The following OR9Q1 variants were observed in gnomAD, a reference collection of about 807,000 sequenced individuals.
OR9Q1 encodes olfactory receptor 9Q1.
For missense variants in OR9Q1, 374 were observed against 378.8 expected, an observed-to-expected ratio of 0.99 and a Z score of 0.11; for synonymous variants, 153 against 148.6, an observed-to-expected ratio of 1.03 and a Z score of -0.22.
intron 1 of OR9Q1, among the ~76,000 whole-genome samples, chr11:58,030,312 T>C (rs987537765): frequency 2.6e-5 from 4 of 152,204 alleles, no homozygotes; most frequent in African/African-American, 4.8e-5. Context: ...CCCAGCCTAC[T>C]CCTCAGGCTC....
chr11:58,075,777 T>TAAGAC (rs1249623572), intron 2 of OR9Q1, among the ~76,000 whole-genome samples: 3 of 152,228 alleles, frequency 2.0e-5, no homozygotes, highest in African/African-American at 7.2e-5. Flanking sequence ...CTAAAGAGGC[T>TAAGAC]AAGACAAGTG....
chr11:58,099,710 A>C (rs1448384685), intron 2 of OR9Q1, among the ~76,000 whole-genome samples: 1 of 152,124 alleles, frequency 6.6e-6, no homozygotes, highest in Non-Finnish European at 1.5e-5. Context: ...CATCTAATGA[A>C]ATTACTGATG....
intron 2 of OR9Q1, among the ~76,000 whole-genome samples, chr11:58,160,713 C>T (rs191874115): frequency 5.8e-4 from 88 of 152,224 alleles, no homozygotes; most frequent in African/African-American, 1.9e-3. Flanking sequence ...AGTGAAAACA[C>T]GAGTTCTTCT....
intron 1 of OR9Q1, among the ~76,000 whole-genome samples, chr11:58,025,675 T>C (rs962299467): frequency 2.6e-5 from 4 of 152,224 alleles, no homozygotes; most frequent in African/African-American, 7.2e-5. Flanking sequence ...ATTCATTCCG[T>C]TGGGTTAGGC....
At chr11:58,048,434 C>T (rs1473924769) in intron 1 of OR9Q1, among the ~76,000 whole-genome samples, 1 of 149,464 alleles carries the variant, frequency 6.7e-6, no homozygotes, top group Non-Finnish European at 1.5e-5. Flanking sequence ...TTTAGCAGGC[C>T]GAGATCAGGA....
chr11:58,111,715 G>C (rs1853900900), intron 2 of OR9Q1, among the ~76,000 whole-genome samples: 1 of 152,134 alleles, frequency 6.6e-6, no homozygotes, highest in African/African-American at 2.4e-5. Context: ...AGTTGGGGCT[G>C]ACACAATGGC....
chr11:58,088,041 G>A (rs911680118), intron 2 of OR9Q1, among the ~76,000 whole-genome samples: 1 of 151,732 alleles, frequency 6.6e-6, no homozygotes, highest in Admixed American at 6.6e-5. Context: ...GGGCACACCT[G>A]TAGAGGCCAG....
chr11:58,024,449 C>G (rs11229216), intron 1 of OR9Q1, among the ~76,000 whole-genome samples: 21,148 of 152,114 alleles, frequency 0.14, 1,777 homozygotes, highest in South Asian at 0.22. Flanking sequence ...GTGGAGAGAA[C>G]TGAAAGAGGG....
chr11:58,043,575 A>G (rs1481428028), intron 1 of OR9Q1, among the ~76,000 whole-genome samples: 1 of 152,142 alleles, frequency 6.6e-6, no homozygotes, highest in Non-Finnish European at 1.5e-5. Context: ...TTGATGCTGA[A>G]ACCACTCTCA....
At chr11:58,155,338 C>T (rs1441895517) in intron 2 of OR9Q1, among the ~76,000 whole-genome samples, 6 of 151,842 alleles carry the variant, frequency 4.0e-5, no homozygotes, top group African/African-American at 4.8e-5. Flanking sequence ...AATACCTTGA[C>T]GGCAATACTT....
At chr11:58,108,690 G>T (rs2120103663) in intron 2 of OR9Q1, 1 of 207,642 alleles carries the variant, frequency 4.8e-6, no homozygotes. Flanking sequence ...GAGAAAAGAT[G>T]GGTCATGATG....
chr11:58,086,180 C>A (rs1853631784), intron 2 of OR9Q1, among the ~76,000 whole-genome samples: 2 of 151,754 alleles, frequency 1.3e-5, no homozygotes, highest in South Asian at 2.1e-4. Flanking sequence ...AACCAAATAA[C>A]CCAATTAAAA....
At position 58,179,642 on chromosome 11, in the gene OR9Q1, C is replaced by T. The variant is rs767214763; in HGVS notation, c.198C>T (p.Leu66=). ...HAPMYFLLSH[L]AFMDVCYSSI... is the part of the protein sequence containing the mutation. ...CAATGTATTTCCTTCTGAGTCACCT[C>T]GCTTTCATGGACGTCTGCTACTCAT... The change falls in exon 3 of 3, where the codon CTC becomes CTT. Residue 66 remains leucine (L), a synonymous_variant. Coordinates refer to ENST00000335397, the MANE Select transcript of OR9Q1 (RefSeq NM_001005212.4). The T allele has an allele frequency of 7.4e-6, 12 of 1,612,996 alleles. No individual in the cohort carries two copies. Among genetic ancestry groups the T allele is most frequent in the African/African-American group, 4.0e-5 (3 of 74,896 alleles).
intron 2 of OR9Q1, among the ~76,000 whole-genome samples, chr11:58,140,665 T>C (rs1446359294): frequency 2.0e-5 from 3 of 152,222 alleles, no homozygotes; most frequent in Non-Finnish European, 4.4e-5. Context: ...TTGGTACCAG[T>C]ACCATGCTGT....
intron 1 of OR9Q1, among the ~76,000 whole-genome samples, chr11:58,041,902 G>A (rs1380092480): frequency 6.6e-6 from 1 of 152,178 alleles, no homozygotes. Flanking sequence ...TCATGCATCA[G>A]ACTATCATGA....
intron 2 of OR9Q1, among the ~76,000 whole-genome samples, chr11:58,116,528 G>A (rs1291787463): frequency 6.6e-6 from 1 of 152,154 alleles, no homozygotes; most frequent in Admixed American, 6.5e-5. Flanking sequence ...CTAACTTAGT[G>A]AACTTATTAT....
chr11:58,109,447 C>G (rs1565078102), intron 2 of OR9Q1: 1 of 461,834 alleles, frequency 2.2e-6, no homozygotes. Flanking sequence ...TGAGGCACAG[C>G]AGGCATCCAG....
chr11:58,079,253 T>TA (rs1343352629), intron 2 of OR9Q1, among the ~76,000 whole-genome samples: 2 of 152,126 alleles, frequency 1.3e-5, no homozygotes, highest in Non-Finnish European at 2.9e-5. Context: ...AGTCTTTTTT[T>TA]TTTTTTATCT....
At chr11:58,074,877 T>G (rs900643933) in intron 2 of OR9Q1, among the ~76,000 whole-genome samples, 11 of 152,168 alleles carry the variant, frequency 7.2e-5, no homozygotes, top group African/African-American at 2.4e-4. Flanking sequence ...TTTCTCCATT[T>G]CTTGTTTTTG....
Sources: allele counts gnomAD v4.1 joint callset (sites outside exome capture counted in the v4.1 genomes callset), GRCh38; gene constraint gnomAD v4.1.1; transcripts MANE v1.5; gene names NCBI Gene and HGNC (gene_info 2026-07-23, HGNC 2026-07-21).